The following LEKR1 variants were observed in gnomAD, a reference collection of about 807,000 sequenced individuals.
LEKR1 encodes protein LEKR1.
A neutral mutation model predicts 72.4 loss-of-function variants in LEKR1; 59 were observed. The observed-to-expected ratio is 0.82, with a 90% CI of 0.66 to 1.01. LEKR1 has a LOEUF of 1.01. Ranked by LOEUF, LEKR1 falls within the 50% of genes least tolerant of loss-of-function variation. The probability of loss-of-function intolerance (pLI) is 0.00; values close to 1 mark genes in which losing one functional copy is unlikely to be tolerated. For missense variants in LEKR1, 728 were observed against 759.2 expected (o/e 0.96, Z 0.48); for synonymous variants, 257 against 263.2 (o/e 0.98, Z 0.23).
At chr3:156,923,229 T>G (rs1293254032) in intron 4 of LEKR1, among the ~76,000 whole-genome samples, 2 of 152,106 alleles carry the variant, frequency 1.3e-5, no homozygotes, top group African/African-American at 4.8e-5. Context: ...ACCTACAGAG[T>G]TGTGCCACCA....
At chr3:156,976,024 G>A (rs1729658103) in intron 6 of LEKR1, among the ~76,000 whole-genome samples, 2 of 152,122 alleles carry the variant, frequency 1.3e-5, no homozygotes, top group Admixed American at 1.3e-4. Context: ...GAGCTGTTTT[G>A]TGCAGGTGGC....
chr3:156,875,797 C>T (rs909930307), intron 3 of LEKR1, among the ~76,000 whole-genome samples: 1 of 151,822 alleles, frequency 6.6e-6, no homozygotes, highest in African/African-American at 2.4e-5. Flanking sequence ...AGATTGAGAC[C>T]ATCCTCGCTA....
intron 2 of LEKR1, among the ~76,000 whole-genome samples, chr3:156,850,849 A>G (rs538565886): frequency 6.6e-6 from 1 of 152,308 alleles, no homozygotes; most frequent in Non-Finnish European, 1.5e-5. Flanking sequence ...ACATAGATAG[A>G]AAGGAAATAA....
At chr3:156,885,114 T>G (rs1240742300) in intron 3 of LEKR1, among the ~76,000 whole-genome samples, 1 of 152,192 alleles carries the variant, frequency 6.6e-6, no homozygotes, top group Non-Finnish European at 1.5e-5. Flanking sequence ...TAAGGTATCT[T>G]TCATTTCCAG....
intron 3 of LEKR1, among the ~76,000 whole-genome samples, chr3:156,858,577 G>A (rs1716366715): frequency 6.6e-6 from 1 of 151,852 alleles, no homozygotes; most frequent in African/African-American, 2.4e-5. Context: ...GGGAGGCTGA[G>A]GTGGGAGAAT....
At chr3:156,957,490 C>G (rs1727752201) in intron 6 of LEKR1, among the ~76,000 whole-genome samples, 1 of 151,000 alleles carries the variant, frequency 6.6e-6, no homozygotes, top group Non-Finnish European at 1.5e-5. Flanking sequence ...AAAAATCACC[C>G]AACACATCTT....
chr3:156,862,083 A>G (rs1463224648), intron 3 of LEKR1, among the ~76,000 whole-genome samples: 2 of 152,134 alleles, frequency 1.3e-5, no homozygotes, highest in African/African-American at 2.4e-5. Context: ...AACAATATTG[A>G]TAGACCTATG....
chr3:156,852,766 A>G lies in LEKR1; in HGVS notation c.49-2A>G. On this transcript the variant is annotated splice_acceptor_variant, in intron 2 of 12. Transcript: ENST00000356539. LOFTEE classifies it high-confidence loss of function. ...TTGGTAAGTGTATGTTCTGTTTCCT[A>G]GATGTTGCCTGAAGAAAAAGTTTGT... 1 of 1,490,936 alleles carries G rather than the reference A, an allele frequency of 6.7e-7. No individual in the cohort carries two copies. The highest frequency in any genetic ancestry group is 9.0e-7 in the Non-Finnish European group (1 of 1,117,114). 92.4% of individuals were successfully genotyped at this position (1,490,936 alleles called of 1,614,324 possible).
At chr3:157,030,683 C>T (rs1266428640) in intron 12 of LEKR1, among the ~76,000 whole-genome samples, 2 of 152,176 alleles carry the variant, frequency 1.3e-5, no homozygotes, top group Non-Finnish European at 2.9e-5. Context: ...CATGGCTTAG[C>T]TGAGTGTCTC....
At chr3:157,025,363 A>C (rs1734109174) in intron 11 of LEKR1, among the ~76,000 whole-genome samples, 1 of 152,188 alleles carries the variant, frequency 6.6e-6, no homozygotes, top group South Asian at 2.1e-4. Flanking sequence ...AAATGTAATT[A>C]CACCTCCCTA....
intron 2 of LEKR1, among the ~76,000 whole-genome samples, chr3:156,848,408 G>C (rs1714894191): frequency 6.6e-6 from 1 of 152,114 alleles, no homozygotes; most frequent in Non-Finnish European, 1.5e-5. Flanking sequence ...TGATTTGTGA[G>C]GATATATTAG....
At chr3:156,958,007 A>C (rs570538098) in intron 6 of LEKR1, among the ~76,000 whole-genome samples, 1 of 152,160 alleles carries the variant, frequency 6.6e-6, no homozygotes, top group African/African-American at 2.4e-5. Context: ...AACAGAGAAA[A>C]CATTTTTGAA....
At chr3:156,972,898 T>C (rs992018061) in intron 6 of LEKR1, among the ~76,000 whole-genome samples, 30 of 152,166 alleles carry the variant, frequency 2.0e-4, no homozygotes, top group African/African-American at 7.0e-4. Context: ...AGGCACTTGT[T>C]ATTTATATAA....
chr3:156,976,845 T>C (rs953109836), intron 6 of LEKR1, among the ~76,000 whole-genome samples: 1 of 152,212 alleles, frequency 6.6e-6, no homozygotes, highest in African/African-American at 2.4e-5. Flanking sequence ...CTCTAATCCT[T>C]AGAGTTTTCT....
At chr3:156,841,550 G>A (rs973659231) in intron 2 of LEKR1, among the ~76,000 whole-genome samples, 5 of 152,140 alleles carry the variant, frequency 3.3e-5, no homozygotes, top group Admixed American at 1.3e-4. Context: ...TGTGCTAGTC[G>A]TAGACTTGGT....
chr3:157,031,068 T>C (rs1734569229), intron 12 of LEKR1, among the ~76,000 whole-genome samples: 1 of 152,138 alleles, frequency 6.6e-6, no homozygotes, highest in Non-Finnish European at 1.5e-5. Flanking sequence ...TGCACAAAGA[T>C]ATGAATATCA....
At chr3:157,036,823 A>C (rs1029098092) in intron 12 of LEKR1, among the ~76,000 whole-genome samples, 1 of 150,320 alleles carries the variant, frequency 6.7e-6, no homozygotes, top group African/African-American at 2.5e-5. Flanking sequence ...AGAAGCTGAT[A>C]GCTTACATGG....
Position 156,836,345 on chromosome 3 carries a change from C to T in LEKR1, c.48+6968C>T, listed in dbSNP as rs576918904. Among the ~76,000 whole-genome samples, 58 of 151,960 alleles carry T rather than the reference C, an allele frequency of 3.8e-4. No homozygotes were observed. In the Middle Eastern group the frequency reaches 0.01, roughly 27 times the overall value. On this transcript the variant is annotated intron_variant, in intron 2 of 12. Transcript: ENST00000356539. ...GCCCGTGGTACCTCCTCTGTTTCTC[C>T]TAAGGAATCCCAGGCTGGCAAAAAG... is the stretch of plus-strand genomic sequence containing the variant.
intron 3 of LEKR1, among the ~76,000 whole-genome samples, chr3:156,895,297 T>C (rs548426874): frequency 7.2e-5 from 11 of 152,192 alleles, no homozygotes; most frequent in Non-Finnish European, 1.6e-4. Flanking sequence ...TCAACATCAC[T>C]GATCATTAGA....
Sources: allele counts gnomAD v4.1 joint callset (sites outside exome capture counted in the v4.1 genomes callset), GRCh38; gene constraint gnomAD v4.1.1; transcripts MANE v1.5; gene names NCBI Gene and HGNC (gene_info 2026-07-23, HGNC 2026-07-21).